FSTL5: variants seen among roughly 807,000 people sequenced by gnomAD.
The protein encoded by FSTL5 is follistatin like 5.
Under a neutral mutation model 89.1 loss-of-function variants are expected in FSTL5, and 62 were observed. The ratio of observed to expected loss-of-function variants is 0.70; its 90% CI spans 0.57 to 0.86. FSTL5 has a LOEUF of 0.86. Among genes scored for constraint, FSTL5 ranks in the 40% least tolerant of loss-of-function variants. FSTL5 has a pLI of 0.00. For missense variants in FSTL5, 1,057 were observed against 1,001.6 expected, an observed-to-expected ratio of 1.06 and a Z score of -0.75; for synonymous variants, 383 against 346.2, an observed-to-expected ratio of 1.11 and a Z score of -1.18.
intron 10 of FSTL5, 108 bp from the exon 11 acceptor site, chr4:161,510,532 G>T (rs1412909169): frequency 1.6e-5 from 10 of 635,962 alleles, no homozygotes; most frequent in African/African-American, 1.5e-4. Context: ...ATGATAGAAT[G>T]TGTATATAAA....
chr4:161,998,857 AACACAC>A (rs10585971), intron 3 of FSTL5, among the ~76,000 whole-genome samples: 6,977 of 146,498 alleles, frequency 0.048, 186 homozygotes, highest in Non-Finnish European at 0.07. Context: ...ACACACACAC[AACACAC>A]ACACACACAC....
intron 4 of FSTL5, among the ~76,000 whole-genome samples, chr4:161,894,961 T>C (rs1168820061): frequency 1.3e-5 from 2 of 152,258 alleles, no homozygotes; most frequent in African/African-American, 2.4e-5. Flanking sequence ...TCAATCATTA[T>C]AATAGCTATC....
At chr4:161,618,054 G>T (rs191539709) in intron 7 of FSTL5, among the ~76,000 whole-genome samples, 134 of 151,794 alleles carry the variant, frequency 8.8e-4, no homozygotes, top group African/African-American at 3.1e-3. Flanking sequence ...TTGTAAGTTG[G>T]ATTCCTAGGT....
At chr4:161,509,714 A>C (rs1419136388) in intron 11 of FSTL5, among the ~76,000 whole-genome samples, 1 of 152,192 alleles carries the variant, frequency 6.6e-6, no homozygotes, top group Non-Finnish European at 1.5e-5. Flanking sequence ...GATGGCTTTT[A>C]GACATTTTTC....
intron 2 of FSTL5, among the ~76,000 whole-genome samples, chr4:162,091,252 A>T (rs1730538272): frequency 6.6e-6 from 1 of 152,170 alleles, no homozygotes; most frequent in African/African-American, 2.4e-5. Context: ...TTCTTGCTTG[A>T]TAGATTATCC....
At chr4:162,054,737 T>G (rs1249492114) in intron 2 of FSTL5, among the ~76,000 whole-genome samples, 1 of 151,784 alleles carries the variant, frequency 6.6e-6, no homozygotes, top group Non-Finnish European at 1.5e-5. Context: ...ATAAGCCATT[T>G]GCCAGCTTGA....
At chr4:161,571,990 C>T (rs1309583606) in intron 8 of FSTL5, among the ~76,000 whole-genome samples, 1 of 152,032 alleles carries the variant, frequency 6.6e-6, no homozygotes, top group South Asian at 2.1e-4. Flanking sequence ...TTTTTAAATA[C>T]ACAACTAGCT....
intron 15 of FSTL5, among the ~76,000 whole-genome samples, chr4:161,393,578 A>C (rs942087297): frequency 1.3e-5 from 2 of 152,082 alleles, no homozygotes; most frequent in Non-Finnish European, 2.9e-5. Flanking sequence ...ATTTGAAGAG[A>C]GAGTTTATAT....
At chr4:161,953,747 A>G (rs1734958911) in intron 3 of FSTL5, among the ~76,000 whole-genome samples, 1 of 151,646 alleles carries the variant, frequency 6.6e-6, no homozygotes, top group Non-Finnish European at 1.5e-5. Context: ...AAAGCACAAA[A>G]TAGCTTCAGT....
chr4:161,505,598 T>G (rs1730450430), intron 11 of FSTL5, among the ~76,000 whole-genome samples: 1 of 152,196 alleles, frequency 6.6e-6, no homozygotes, highest in Non-Finnish European at 1.5e-5. Context: ...CACACACTAA[T>G]TAGCAGGGCA....
At chr4:161,814,936 T>C (rs894183499) in intron 4 of FSTL5, among the ~76,000 whole-genome samples, 4 of 152,076 alleles carry the variant, frequency 2.6e-5, no homozygotes, top group East Asian at 1.9e-4. Flanking sequence ...TCTAAGTGCA[T>C]AGATGCCAAC....
chr4:161,417,387 A>G (rs1400590786), intron 15 of FSTL5, among the ~76,000 whole-genome samples: 1 of 152,174 alleles, frequency 6.6e-6, no homozygotes, highest in Non-Finnish European at 1.5e-5. Context: ...TGTATGTATT[A>G]TTTCATTCTA....
intron 6 of FSTL5, among the ~76,000 whole-genome samples, chr4:161,696,834 T>C (rs1483861232): frequency 2.0e-5 from 3 of 152,198 alleles, no homozygotes; most frequent in African/African-American, 7.2e-5. Flanking sequence ...CTTTTATTAA[T>C]TGTAGGAGCT....
At chr4:161,514,152 A>T (rs1325634202) in intron 10 of FSTL5, among the ~76,000 whole-genome samples, 4 of 152,116 alleles carry the variant, frequency 2.6e-5, no homozygotes, top group East Asian at 3.8e-4. Flanking sequence ...GGGATATTTA[A>T]ATTAATAAAA....
intron 10 of FSTL5, among the ~76,000 whole-genome samples, chr4:161,512,502 A>C (rs1478446391): frequency 6.6e-6 from 1 of 152,118 alleles, no homozygotes; most frequent in East Asian, 1.9e-4. Flanking sequence ...AATTATGATC[A>C]AGGTGAAGTA....
intron 8 of FSTL5, among the ~76,000 whole-genome samples, chr4:161,564,367 A>G (rs756065982): frequency 2.0e-5 from 3 of 151,136 alleles, no homozygotes; most frequent in Non-Finnish European, 3.0e-5. Flanking sequence ...TCCTATATAT[A>G]TATATAAAAG....
chr4:161,688,948 A>G (rs768710545), intron 6 of FSTL5, among the ~76,000 whole-genome samples: 1 of 152,180 alleles, frequency 6.6e-6, no homozygotes, highest in Non-Finnish European at 1.5e-5. Context: ...TGATTTTATT[A>G]GCCCTATTAT....
intron 7 of FSTL5, among the ~76,000 whole-genome samples, chr4:161,643,058 T>A (rs1218251622): frequency 6.6e-6 from 1 of 152,222 alleles, no homozygotes; most frequent in African/African-American, 2.4e-5. Context: ...TTGTTCTAAA[T>A]ACATGAGTTA....
intron 5 of FSTL5, among the ~76,000 whole-genome samples, chr4:161,766,640 T>C (rs1053506077): frequency 6.6e-6 from 1 of 152,214 alleles, no homozygotes; most frequent in South Asian, 2.1e-4. Flanking sequence ...TATACAAATA[T>C]ATTCTTCACC....
Sources: allele counts gnomAD v4.1 joint callset (sites outside exome capture counted in the v4.1 genomes callset), GRCh38; gene constraint gnomAD v4.1.1; transcripts MANE v1.5; gene names NCBI Gene and HGNC (gene_info 2026-07-23, HGNC 2026-07-21).